EXOC4: variants seen among roughly 807,000 people sequenced by gnomAD.
The protein encoded by EXOC4 is exocyst complex component 4.
Under a neutral mutation model 107.2 loss-of-function variants are expected in EXOC4, and 71 were observed. That is an observed-to-expected ratio of 0.66 (90% confidence interval 0.55 to 0.81). The LOEUF (loss-of-function observed/expected upper bound fraction) is 0.81. EXOC4 is among the 30% of genes least tolerant of loss of function. The pLI is 0.00. For synonymous variants in EXOC4, 456 were observed against 441.2 expected, an observed-to-expected ratio of 1.03 and a Z score of -0.42; for missense variants, 1,108 against 1,189.6, an observed-to-expected ratio of 0.93 and a Z score of 1.01.
rs1326253231 is a variant in EXOC4, at chr7:133,284,601, G to T, written c.277-4321G>T. On this transcript the variant is annotated intron_variant, in intron 2 of 17. Transcript: ENST00000253861. The stretch of plus-strand genomic sequence containing the variant: ...GGCTGGAGTGCAGTGGCCCGATCTC[G>T]GCTCACTGCAAGCTCCGCCTCCTGG... Among the ~76,000 whole-genome samples the T allele has an allele frequency of 2.0e-5, 3 of 151,986 alleles. No homozygotes were observed. In the South Asian group the frequency reaches 6.2e-4, roughly 32 times the overall value.
chr7:133,331,600 G>T (rs1795394602), intron 5 of EXOC4, among the ~76,000 whole-genome samples: 2 of 151,452 alleles, frequency 1.3e-5, no homozygotes, highest in South Asian at 2.1e-4. Flanking sequence ...CCAGTAGCTG[G>T]GACTACAGGC....
At chr7:133,291,195 C>T (rs922060603) in intron 3 of EXOC4, among the ~76,000 whole-genome samples, 8 of 151,720 alleles carry the variant, frequency 5.3e-5, no homozygotes, top group South Asian at 2.1e-4. Flanking sequence ...ACACATTTTC[C>T]GGAGGTTTTG....
At chr7:133,710,686 G>A (rs1794872303) in intron 10 of EXOC4, among the ~76,000 whole-genome samples, 1 of 151,342 alleles carries the variant, frequency 6.6e-6, no homozygotes, top group Non-Finnish European at 1.5e-5. Context: ...AAAGTTGGTA[G>A]TTGCAGATAC....
At chr7:133,767,867 G>A (rs947583232) in intron 10 of EXOC4, among the ~76,000 whole-genome samples, 14 of 152,082 alleles carry the variant, frequency 9.2e-5, no homozygotes, top group South Asian at 8.3e-4. Context: ...AGTCCTTCCC[G>A]TGAAGGAGTT....
rs1491478608 is a variant in EXOC4, at chr7:133,857,147, CGT to C, written c.1735-38451_1735-38450del. Among the ~76,000 whole-genome samples the C allele has an allele frequency of 1.9e-3, 37 of 19,106 alleles. 1 individual carries two copies. The highest frequency in any genetic ancestry group is 4.8e-3 in the Admixed American group (5 of 1,036). The allele number at this position is 19,106 out of a possible 152,430, so 12.5% of individuals were successfully genotyped here. On this transcript the variant is annotated intron_variant, in intron 11 of 17. Transcript: ENST00000253861. ...ATATGTATATATATATACACATACA[CGT>C]ATATATATATATATATATATATATA...
chr7:133,552,757 C>T (rs1800616448), intron 9 of EXOC4, among the ~76,000 whole-genome samples: 1 of 152,112 alleles, frequency 6.6e-6, no homozygotes, highest in Admixed American at 6.5e-5. Context: ...GGCACAGTAT[C>T]TGGTGCAAAG....
chr7:133,550,995 T>A (rs1800576867), intron 9 of EXOC4, among the ~76,000 whole-genome samples: 1 of 152,114 alleles, frequency 6.6e-6, no homozygotes, highest in Non-Finnish European at 1.5e-5. Context: ...GACAGCATCT[T>A]CAGCTGATTT....
At chr7:134,057,968 T>C (rs1795969935) in intron 17 of EXOC4, among the ~76,000 whole-genome samples, 2 of 152,318 alleles carry the variant, frequency 1.3e-5, no homozygotes, top group Admixed American at 6.5e-5. Context: ...TCTTAAATAT[T>C]TACCTCACTA....
At chr7:134,048,546 C>T (rs1795708005) in intron 17 of EXOC4, among the ~76,000 whole-genome samples, 1 of 152,170 alleles carries the variant, frequency 6.6e-6, no homozygotes, top group South Asian at 2.1e-4. Flanking sequence ...CAGTCCCCCT[C>T]CCTCACATTT....
At chr7:134,057,489 C>T (rs1400810457) in intron 17 of EXOC4, among the ~76,000 whole-genome samples, 2 of 152,134 alleles carry the variant, frequency 1.3e-5, no homozygotes, top group East Asian at 3.8e-4. Flanking sequence ...ATAACTTCAG[C>T]TCATTTTAAA....
At chr7:134,077,829 C>T in the EXOC4 span, among the ~76,000 whole-genome samples, 1 of 152,252 alleles carries the variant, frequency 6.6e-6, no homozygotes, top group African/African-American at 2.4e-5. Context: ...CAGGCCTACT[C>T]AGGCTCCTCA....
chr7:133,373,833 C>G (rs1225895433), intron 6 of EXOC4, among the ~76,000 whole-genome samples: 2 of 152,096 alleles, frequency 1.3e-5, no homozygotes, highest in African/African-American at 4.8e-5. Flanking sequence ...CTTAAGTATT[C>G]AGAGATGTAT....
At chr7:133,516,687 A>G (rs1584971814) in intron 9 of EXOC4, among the ~76,000 whole-genome samples, 1 of 146,740 alleles carries the variant, frequency 6.8e-6, no homozygotes. Context: ...GTAAACACCT[A>G]GAAGTGGAAA....
chr7:133,660,211 T>A (rs1487242310), intron 10 of EXOC4, among the ~76,000 whole-genome samples: 1 of 152,080 alleles, frequency 6.6e-6, no homozygotes, highest in East Asian at 1.9e-4. Flanking sequence ...ATTGATTGCT[T>A]CCCTTTCCCC....
chr7:134,052,365 A>G (rs1355438185), intron 17 of EXOC4, among the ~76,000 whole-genome samples: 2 of 152,222 alleles, frequency 1.3e-5, no homozygotes, highest in African/African-American at 4.8e-5. Flanking sequence ...ACAAAAACCC[A>G]GCAGAGTCTT....
chr7:133,829,346 TA>T (rs577439496), intron 11 of EXOC4, among the ~76,000 whole-genome samples: 86 of 152,296 alleles, frequency 5.6e-4, no homozygotes, highest in African/African-American at 2.0e-3. Context: ...GATGCACTTT[TA>T]AGGAGCACTG....
Position 133,442,959 on chromosome 7 carries a change from G to C in EXOC4, c.1183-32369G>C, listed in dbSNP as rs566095553. Among the ~76,000 whole-genome samples, 10 of 152,160 alleles carry C rather than the reference G, an allele frequency of 6.6e-5. No individual in the cohort carries two copies. The East Asian group carries it at 1.9e-3, about 29-fold the overall frequency. On this transcript the variant is annotated intron_variant, in intron 7 of 17. Coordinates refer to ENST00000253861, the MANE Select transcript of EXOC4 (RefSeq NM_021807.4). ...ATAAGGTTGACCTGTGAAAGATGAGGGTGAACACCATTGATTACAGAGGAG... is the reference window on the plus strand; with the variant it reads ...ATAAGGTTGACCTGTGAAAGATGAGCGTGAACACCATTGATTACAGAGGAG...
chr7:133,888,424 G>A (rs148137581), intron 11 of EXOC4, among the ~76,000 whole-genome samples: 134 of 152,292 alleles, frequency 8.8e-4, no homozygotes, highest in African/African-American at 3.1e-3. Flanking sequence ...ATTGACCGAA[G>A]GATTCCAAGC....
At position 133,823,868 on chromosome 7, in the gene EXOC4, TA is replaced by T. The variant is rs1315668011; in HGVS notation, c.1734+6325del. Among the ~76,000 whole-genome samples the T allele has an allele frequency of 8.0e-3, 175 of 21,744 alleles. 5 individuals are homozygous for T. The highest frequency in any genetic ancestry group is 0.025 in the Middle Eastern group (1 of 40). 14.3% of individuals were successfully genotyped at this position (21,744 alleles called of 152,430 possible). A position where few individuals can be genotyped will look rare whatever the true frequency, so the allele number is the denominator to read the frequency against. ...TTATATATATATATATATATATATATATATTATATATATATATATATATATT... is the reference window on the plus strand; with the variant it reads ...TTATATATATATATATATATATATATTATTATATATATATATATATATATT... On this transcript the variant is annotated intron_variant, in intron 11 of 17. Coordinates refer to ENST00000253861, the MANE Select transcript of EXOC4 (RefSeq NM_021807.4).
Sources: allele counts gnomAD v4.1 joint callset (sites outside exome capture counted in the v4.1 genomes callset), GRCh38; gene constraint gnomAD v4.1.1; transcripts MANE v1.5; gene names NCBI Gene and HGNC (gene_info 2026-07-23, HGNC 2026-07-21).